Variants in COL4A4 observed in about 807,000 individuals in gnomAD.
The protein encoded by COL4A4 is collagen alpha-4(IV) chain.
Under a neutral mutation model 192.9 loss-of-function variants are expected in COL4A4, and 105 were observed. The ratio of observed to expected loss-of-function variants is 0.54; its 90% CI spans 0.46 to 0.64. The LOEUF (loss-of-function observed/expected upper bound fraction) is 0.64, where lower values mean the gene tolerates loss of function less well. Among genes scored for constraint, COL4A4 ranks in the 30% least tolerant of loss-of-function variants. COL4A4 has a pLI of 0.00. For missense variants in COL4A4, 1,967 were observed against 2,169.3 expected, an observed-to-expected ratio of 0.91 and a Z score of 1.85; for synonymous variants, 762 against 769.9, an observed-to-expected ratio of 0.99 and a Z score of 0.17.
intron 9 of COL4A4, 100 bp from the exon 10 acceptor site, chr2:227,109,386 A>G: frequency 1.0e-6 from 1 of 995,152 alleles, no homozygotes; most frequent in South Asian, 1.3e-5. Context: ...ACCTCTAAAG[A>G]AATCACAGCC....
Position 227,059,595 on chromosome 2 carries a change from AC to A in COL4A4, c.2192del (p.Gly731ValfsTer22). ...GGGAGGACCCCTTTTCACCTCCAAAACCCGGATCTCCCATGTCACCACGAAA... is the reference window on the plus strand; with the variant it reads ...GGGAGGACCCCTTTTCACCTCCAAAACCGGATCTCCCATGTCACCACGAAA... ...PGFRGDMGDP[G>X]FGGEKGSSPV... On this transcript the variant is annotated frameshift_variant, in exon 28 of 48. Transcript: ENST00000396625. LOFTEE classifies it high-confidence loss of function. 6.2e-7 allele frequency: 1 copy of A among 1,614,014 alleles called. No homozygotes were observed. Among genetic ancestry groups the A allele is most frequent in the Non-Finnish European group, 8.5e-7 (1 of 1,179,994 alleles).
chr2:227,101,707 C>T, intron 16 of COL4A4, 150 bp from the exon 17 acceptor site: 1 of 1,096,704 alleles, frequency 9.1e-7, no homozygotes, highest in Non-Finnish European at 1.4e-6. Context: ...TCTTGTGCTT[C>T]AATTTTTGCA....
In COL4A4 at chr2:227,101,759, C is replaced by T. The variant is rs1194368155; in HGVS notation, c.975+106G>A. 6 of 1,093,170 alleles carry T rather than the reference C, an allele frequency of 5.5e-6. No homozygotes were observed. In the East Asian group the frequency reaches 1.3e-4, roughly 23 times the overall value. 67.7% of individuals were successfully genotyped at this position (1,093,170 alleles called of 1,614,324 possible). On this transcript the variant is annotated intron_variant, in intron 16 of 47. Transcript: ENST00000396625. ...GCAATCCATAAAATGAATGTGTCTG[C>T]CTTCCTAATTACTGTGTTTGCACGC... is the stretch of plus-strand genomic sequence containing the variant.
rs1278880176 is a variant in COL4A4, at chr2:227,007,504, G to C, written c.4894C>G (p.Leu1632Val). ...GTTCCCTGCCGGCCCTGGCATTCAA[G>C]GAATGGTGCTGCTCTGAAATCTTCC... Reference protein sequence around the residue: ...CLEDFRAAPFLECQGRQGTCH... With the variant: ...CLEDFRAAPFVECQGRQGTCH... Residue 1632 changes from leucine to valine, a missense_variant, in exon 48 of 48, where the codon CTT becomes GTT. Coordinates refer to ENST00000396625, the MANE Select transcript of COL4A4 (RefSeq NM_000092.5). 6.2e-7 allele frequency: 1 copy of C among 1,613,926 alleles called. No homozygotes were observed. Among genetic ancestry groups the C allele is most frequent in the Non-Finnish European group, 8.5e-7 (1 of 1,180,044 alleles).
chr2:227,059,228 G>T (rs1168869002), intron 28 of COL4A4, among the ~76,000 whole-genome samples, 177 bp downstream of exon 28: 1 of 152,212 alleles, frequency 6.6e-6, no homozygotes, highest in Admixed American at 6.5e-5. Context: ...AAGTGCAAAG[G>T]CAAGGCTAGA....
At chr2:226,988,526 C>T in the COL4A4 span, 30 of 1,498,134 alleles carry the variant, frequency 2.0e-5, no homozygotes, top group Middle Eastern at 2.4e-4. Context: ...AGCAGCTGCC[C>T]GCACTGTGCC....
At chr2:227,036,273 C>T (rs561706966) in intron 37 of COL4A4, among the ~76,000 whole-genome samples, 1 of 152,204 alleles carries the variant, frequency 6.6e-6, no homozygotes, top group Non-Finnish European at 1.5e-5. Context: ...AGCCAGCGAA[C>T]TCTTTATGAC....
chr2:227,136,199 C>T (rs1212483486), intron 4 of COL4A4, among the ~76,000 whole-genome samples: 1 of 152,140 alleles, frequency 6.6e-6, no homozygotes, highest in Non-Finnish European at 1.5e-5. Flanking sequence ...TCAAATCCAG[C>T]CAGAGCTACA....
At chr2:226,997,704 G>T in the COL4A4 span, 1 of 152,218 alleles carries the variant, frequency 6.6e-6, no homozygotes, top group Non-Finnish European at 1.5e-5. Flanking sequence ...AAAGACACGG[G>T]ATTAGATTTT....
At chr2:226,984,644 G>A in the COL4A4 span, among the ~76,000 whole-genome samples, 2 of 152,202 alleles carry the variant, frequency 1.3e-5, no homozygotes, top group Admixed American at 6.5e-5. Flanking sequence ...AACAGCTAAC[G>A]CCCTGGGGTC....
At chr2:226,975,577 G>C in the COL4A4 span, among the ~76,000 whole-genome samples, 1 of 152,146 alleles carries the variant, frequency 6.6e-6, no homozygotes, top group African/African-American at 2.4e-5. Context: ...AATGAAATGG[G>C]CAGTTTGGTA....
intron 12 of COL4A4, among the ~76,000 whole-genome samples, chr2:227,108,272 C>A (rs1405020476): frequency 6.6e-6 from 1 of 152,018 alleles, no homozygotes; most frequent in Non-Finnish European, 1.5e-5. Flanking sequence ...TGAAATTAAG[C>A]AAAACAAATC....
intron 35 of COL4A4, among the ~76,000 whole-genome samples, chr2:227,045,913 ATGTATATG>A (rs1972582058): frequency 3.3e-5 from 3 of 90,288 alleles, no homozygotes; most frequent in African/African-American, 1.1e-4. Flanking sequence ...ATATATATGT[ATGTATATG>A]TATATGTATA....
chr2:227,145,371 CG>C (rs1473484359), intron 2 of COL4A4, among the ~76,000 whole-genome samples: 1 of 152,130 alleles, frequency 6.6e-6, no homozygotes, highest in Non-Finnish European at 1.5e-5. Flanking sequence ...CACTTGAACC[CG>C]GAAGGCAGAG....
chr2:227,084,227 T>C (rs1390322794), intron 22 of COL4A4, among the ~76,000 whole-genome samples: 2 of 152,218 alleles, frequency 1.3e-5, no homozygotes, highest in Non-Finnish European at 2.9e-5. Context: ...GTATGTCATA[T>C]GGTATCCTGC....
chr2:227,081,404 TTC>T (rs1479234885), intron 23 of COL4A4, among the ~76,000 whole-genome samples: 1 of 152,226 alleles, frequency 6.6e-6, no homozygotes, highest in Non-Finnish European at 1.5e-5. Context: ...CTCCAGGTTC[TTC>T]GGCCTTTGGA....
chr2:227,076,092 C>T (rs2059010859), intron 25 of COL4A4, among the ~76,000 whole-genome samples: 1 of 152,114 alleles, frequency 6.6e-6, no homozygotes, highest in African/African-American at 2.4e-5. Flanking sequence ...GTACTATTCC[C>T]ATCAAGCTAT....
intron 4 of COL4A4, among the ~76,000 whole-genome samples, chr2:227,137,496 A>G (rs2062898260): frequency 6.6e-6 from 1 of 152,228 alleles, no homozygotes; most frequent in African/African-American, 2.4e-5. Context: ...AAGGGTGGAA[A>G]TAATAATACT....
At position 227,062,614 on chromosome 2, in the gene COL4A4, A is replaced by C; in HGVS notation, c.1988-16T>G. The C allele has an allele frequency of 6.2e-7, 1 of 1,600,250 alleles. No homozygotes were observed. Among genetic ancestry groups the C allele is most frequent in the Non-Finnish European group, 8.6e-7 (1 of 1,167,430 alleles). On this transcript the variant is annotated splice_polypyrimidine_tract_variant and intron_variant, in intron 25 of 47. Transcript: ENST00000396625. ...ATTGTGTCACCTGCAATGAGAAAAG[A>C]AAAGCGGCATTCACATAACTGATAG... is the stretch of plus-strand genomic sequence containing the variant.
Sources: allele counts gnomAD v4.1 joint callset (sites outside exome capture counted in the v4.1 genomes callset), GRCh38; gene constraint gnomAD v4.1.1; transcripts MANE v1.5; gene names NCBI Gene and HGNC (gene_info 2026-07-23, HGNC 2026-07-21).